RALGPS1: variants seen among roughly 807,000 people sequenced by gnomAD.
The protein encoded by RALGPS1 is Ral GEF with PH domain and SH3 binding motif 1, also known as ras-specific guanine nucleotide-releasing factor RalGPS1.
Under a neutral mutation model 78.8 loss-of-function variants are expected in RALGPS1, and 19 were observed. The ratio of observed to expected loss-of-function variants is 0.24; its 90% CI spans 0.17 to 0.35. The LOEUF (loss-of-function observed/expected upper bound fraction) is 0.35, where lower values mean the gene tolerates loss of function less well. Ranked by LOEUF, RALGPS1 falls within the 10% of genes least tolerant of loss-of-function variation. The pLI, the probability that RALGPS1 is intolerant of heterozygous loss-of-function variation, is 1.00. For missense variants in RALGPS1, 454 were observed against 688.3 expected (o/e 0.66, Z 3.81); for synonymous variants, 228 against 256.3 (o/e 0.89, Z 1.06).
chr9:127,037,954 C>T (rs970240568), intron 5 of RALGPS1, among the ~76,000 whole-genome samples: 5 of 152,214 alleles, frequency 3.3e-5, no homozygotes, highest in Non-Finnish European at 7.3e-5. Context: ...GGGGTATTTC[C>T]TCAAGGAAAA....
At chr9:126,922,407 A>G (rs1403180348) in intron 1 of RALGPS1, among the ~76,000 whole-genome samples, 3 of 152,226 alleles carry the variant, frequency 2.0e-5, no homozygotes, top group African/African-American at 7.2e-5. Context: ...TACAGTAATT[A>G]TCACCCACTG....
chr9:127,025,447 G>A (rs2045884849), intron 4 of RALGPS1, among the ~76,000 whole-genome samples: 1 of 152,196 alleles, frequency 6.6e-6, no homozygotes, highest in Admixed American at 6.5e-5. Flanking sequence ...GATTGCTGGG[G>A]CAGTTGATAA....
chr9:127,140,806 A>T (rs929112848), intron 8 of RALGPS1, among the ~76,000 whole-genome samples: 16 of 152,234 alleles, frequency 1.1e-4, no homozygotes, highest in African/African-American at 3.9e-4. Context: ...CATGGAGTCC[A>T]CGCTGGAAGA....
chr9:127,154,128 G>A (rs1402750891), intron 8 of RALGPS1, among the ~76,000 whole-genome samples: 1 of 152,236 alleles, frequency 6.6e-6, no homozygotes, highest in Non-Finnish European at 1.5e-5. Flanking sequence ...CCCGCTGCTG[G>A]CAGAGCTGAG....
chr9:127,034,533 A>G lies in RALGPS1; in HGVS notation c.300+19A>G, dbSNP rs370539204. On this transcript the variant is annotated intron_variant, in intron 5 of 18. Coordinates refer to ENST00000259351, the MANE Select transcript of RALGPS1 (RefSeq NM_014636.3). Reference sequence around the variant, plus strand: ...TAACCAGGTAAGCAACACCCCTTGCATGTGCCTATCCAGAGAGCAATCTGC... The same window carrying G: ...TAACCAGGTAAGCAACACCCCTTGCGTGTGCCTATCCAGAGAGCAATCTGC... 5.6e-6 allele frequency: 9 copies of G among 1,606,322 alleles called. No homozygotes were observed. Among genetic ancestry groups the G allele is most frequent in the Non-Finnish European group, 6.8e-6 (8 of 1,173,108 alleles).
chr9:127,156,696 TG>T (rs1192397864), intron 8 of RALGPS1, among the ~76,000 whole-genome samples: 1 of 152,150 alleles, frequency 6.6e-6, no homozygotes, highest in Non-Finnish European at 1.5e-5. Flanking sequence ...GCTTCATGTA[TG>T]GTGTTTTATT....
intron 8 of RALGPS1, chr9:127,108,710 A>G: frequency 6.2e-7 from 1 of 1,611,982 alleles, no homozygotes; most frequent in Non-Finnish European, 8.5e-7. Context: ...AGCCACCAGC[A>G]TGTCACGCAC....
At chr9:126,974,734 C>A (rs1346792480) in intron 3 of RALGPS1, among the ~76,000 whole-genome samples, 1 of 152,082 alleles carries the variant, frequency 6.6e-6, no homozygotes, top group African/African-American at 2.4e-5. Context: ...CGAGTGTTCT[C>A]GCTCAGCCCC....
At chr9:127,135,709 T>G (rs1351760689) in intron 8 of RALGPS1, among the ~76,000 whole-genome samples, 1 of 152,016 alleles carries the variant, frequency 6.6e-6, no homozygotes, top group African/African-American at 2.4e-5. Flanking sequence ...CTAGAGTCTG[T>G]GAAGGCGGTA....
chr9:127,184,478 G>T (rs1387126390), intron 11 of RALGPS1: 1 of 212,868 alleles, frequency 4.7e-6, no homozygotes, highest in Non-Finnish European at 9.5e-6. Flanking sequence ...AACCTGGCCA[G>T]AGAAGGGTTT....
At chr9:127,021,409 G>A (rs568844864) in intron 4 of RALGPS1, among the ~76,000 whole-genome samples, 4 of 151,418 alleles carry the variant, frequency 2.6e-5, no homozygotes, top group African/African-American at 9.7e-5. Flanking sequence ...GCTGAGGCAG[G>A]AGAATTGCTT....
Position 127,164,469 on chromosome 9 carries a change from AG to A in RALGPS1, c.611-1598del, listed in dbSNP as rs2059185108. ...GAGCTGGTTTTGAACTCCTGACCTC[AG>A]GTGATCTGCCTGCCTTGGCCTCCCA... On this transcript the variant is annotated intron_variant, in intron 8 of 18. Coordinates refer to ENST00000259351, the MANE Select transcript of RALGPS1 (RefSeq NM_014636.3). 7.3e-5 allele frequency among the ~76,000 whole-genome samples: 11 copies of A among 150,422 alleles called. No homozygotes were observed. The South Asian group carries it at 2.3e-3, about 32-fold the overall frequency.
At chr9:126,952,878 G>A (rs530562665) in intron 1 of RALGPS1, among the ~76,000 whole-genome samples, 3 of 152,226 alleles carry the variant, frequency 2.0e-5, no homozygotes, top group South Asian at 4.2e-4. Flanking sequence ...GCGGAGTCGT[G>A]GGAGAGCTGC....
chr9:126,949,850 G>C (rs1167496432), intron 1 of RALGPS1, among the ~76,000 whole-genome samples: 1 of 151,982 alleles, frequency 6.6e-6, no homozygotes, highest in African/African-American at 2.4e-5. Context: ...GGCTTTTGTT[G>C]CCATTGCTTT....
At chr9:127,010,705 A>C (rs1187379361) in intron 4 of RALGPS1, among the ~76,000 whole-genome samples, 3 of 152,228 alleles carry the variant, frequency 2.0e-5, no homozygotes, top group Non-Finnish European at 4.4e-5. Context: ...GGGAGCCCAC[A>C]GAGGAGTCAG....
chr9:127,052,759 C>G, intron 6 of RALGPS1, 88 bp from the exon 7 acceptor site: 2 of 827,850 alleles, frequency 2.4e-6, no homozygotes, highest in Non-Finnish European at 4.0e-6. Flanking sequence ...AATTGAATTT[C>G]ATAAATATGA....
rs904985077 is a variant in RALGPS1 at position 127,211,231 on chromosome 9, A to C, written c.1248-900A>C. ...GTGAGAATGGTGGCTCAGATCTTAA[A>C]AGCGACAGGAAGCCATGAAAGGGGC... On this transcript the variant is annotated intron_variant, in intron 14 of 18. Transcript: ENST00000259351. This position sits in a 1 kb window ranked among gnomAD's most constrained non-coding sequence, Gnocchi z 5.0. Among the ~76,000 whole-genome samples the C allele has an allele frequency of 3.9e-5, 6 of 152,138 alleles. No homozygotes were observed. The highest frequency in any genetic ancestry group is 1.4e-4 in the African/African-American group (6 of 41,422).
At chr9:127,037,130 C>T (rs1437081408) in intron 5 of RALGPS1, among the ~76,000 whole-genome samples, 1 of 152,184 alleles carries the variant, frequency 6.6e-6, no homozygotes, top group Admixed American at 6.5e-5. Context: ...TGAATATAAA[C>T]GGGTCACCCC....
intron 8 of RALGPS1, among the ~76,000 whole-genome samples, chr9:127,070,369 C>A (rs115341915): frequency 4.2e-4 from 64 of 152,126 alleles, no homozygotes; most frequent in African/African-American, 1.5e-3. Flanking sequence ...TCTCAATGAA[C>A]GTCCTTATTG....
Sources: allele counts gnomAD v4.1 joint callset (sites outside exome capture counted in the v4.1 genomes callset), GRCh38; gene constraint gnomAD v4.1.1; non-coding constraint Gnocchi (gnomAD v3.1); transcripts MANE v1.5; gene names NCBI Gene and HGNC (gene_info 2026-07-23, HGNC 2026-07-21).